Variants in ITGB3BP observed in about 807,000 individuals in gnomAD.
ITGB3BP encodes centromere protein R.
Under a neutral mutation model 29.1 loss-of-function variants are expected in ITGB3BP, and 27 were observed. That is an observed-to-expected ratio of 0.93 (90% CI 0.68 to 1.28). The LOEUF (loss-of-function observed/expected upper bound fraction) is 1.28, where lower values mean the gene tolerates loss of function less well. Among genes scored for constraint, ITGB3BP ranks in the 50% most tolerant of loss-of-function variants. The pLI is 0.00. For missense variants in ITGB3BP, 192 were observed against 200.2 expected, an observed-to-expected ratio of 0.96 and a Z score of 0.25; for synonymous variants, 61 against 61.4, an observed-to-expected ratio of 0.99 and a Z score of 0.03.
At chr1:63,500,349 G>C (rs1645896065) in intron 2 of ITGB3BP, among the ~76,000 whole-genome samples, 1 of 152,016 alleles carries the variant, frequency 6.6e-6, no homozygotes, top group African/African-American at 2.4e-5. Context: ...TTGCACTCCA[G>C]CCTGGGCAAA....
At chr1:63,447,007 C>A in intron 7 of ITGB3BP, 151 bp from the exon 8 acceptor site, 1 of 598,636 alleles carries the variant, frequency 1.7e-6, no homozygotes. Flanking sequence ...GCTATAAATT[C>A]TCATTTCAAC....
intron 4 of ITGB3BP, among the ~76,000 whole-genome samples, chr1:63,474,872 C>A (rs1368546483): frequency 1.4e-5 from 2 of 144,816 alleles, no homozygotes; most frequent in East Asian, 4.0e-4. Flanking sequence ...CTGGGAGAAA[C>A]ACCCAAGAAT....
intron 3 of ITGB3BP, among the ~76,000 whole-genome samples, chr1:63,482,868 A>C (rs1216415163): frequency 6.6e-6 from 1 of 151,986 alleles, no homozygotes; most frequent in Non-Finnish European, 1.5e-5. Context: ...TGGCCAGGCT[A>C]ATCTCAAACT....
chr1:63,496,962 AC>A (rs1400516244), intron 2 of ITGB3BP, among the ~76,000 whole-genome samples: 1 of 152,236 alleles, frequency 6.6e-6, no homozygotes, highest in Non-Finnish European at 1.5e-5. Context: ...ATCCTAGAGT[AC>A]TAGACTTGCT....
At chr1:63,456,254 G>A (rs1644934808) in intron 4 of ITGB3BP, among the ~76,000 whole-genome samples, 1 of 152,104 alleles carries the variant, frequency 6.6e-6, no homozygotes, top group African/African-American at 2.4e-5. Flanking sequence ...TTTTATCTAA[G>A]TATGCGAACA....
chr1:63,484,720 A>T (rs1183468296), intron 3 of ITGB3BP, among the ~76,000 whole-genome samples: 1 of 152,022 alleles, frequency 6.6e-6, no homozygotes, highest in African/African-American at 2.4e-5. Flanking sequence ...TATCTTTTTG[A>T]CCACAGCTCA....
intron 2 of ITGB3BP, among the ~76,000 whole-genome samples, chr1:63,496,653 A>G (rs576532210): frequency 6.6e-6 from 1 of 152,352 alleles, no homozygotes; most frequent in East Asian, 1.9e-4. Context: ...TCACCACAAA[A>G]AACAGCTACT....
upstream of ITGB3BP, among the ~76,000 whole-genome samples, chr1:63,523,814 C>T (rs17125099): frequency 0.14 from 20,977 of 152,176 alleles, 1,565 homozygotes; most frequent in Middle Eastern, 0.25. Context: ...AGAGATGGTG[C>T]CCGAGATTAC....
At chr1:63,521,584 C>A (rs184232894) in intron 1 of ITGB3BP, among the ~76,000 whole-genome samples, 12 of 152,092 alleles carry the variant, frequency 7.9e-5, no homozygotes, top group Non-Finnish European at 1.2e-4. Flanking sequence ...ATAGTCCCAG[C>A]ACATTGGGAG....
Position 63,454,308 on chromosome 1 carries a change from T to C in ITGB3BP, c.427+72A>G, listed in dbSNP as rs549564968. On this transcript the variant is annotated intron_variant, in intron 6 of 8. Coordinates refer to ENST00000271002, the MANE Select transcript of ITGB3BP (RefSeq NM_014288.5). This position sits in a 1 kb window ranked among gnomAD's most constrained non-coding sequence, Gnocchi z 4.1. ...GTAATGGTATATATAAAGAAGTCTA[T>C]CAAATGTAAATGAGACAAATTAATA... 121 of 726,492 alleles carry C rather than the reference T, an allele frequency of 1.7e-4. 1 individual carries two copies. The African/African-American group carries it at 1.8e-3, about 11-fold the overall frequency. The allele number at this position is 726,492 out of a possible 1,614,324, so 45.0% of individuals were successfully genotyped here. A position where few individuals can be genotyped will look rare whatever the true frequency, so the allele number is the denominator to read the frequency against.
At chr1:63,525,802 A>G, upstream of ITGB3BP, 2 of 1,365,416 alleles carry the variant, frequency 1.5e-6, no homozygotes, top group Non-Finnish European at 2.0e-6. Flanking sequence ...TTTTGTTGAA[A>G]GTTAATAAAT....
chr1:63,492,641 C>T (rs1031330330), intron 2 of ITGB3BP, among the ~76,000 whole-genome samples: 4 of 152,092 alleles, frequency 2.6e-5, no homozygotes, highest in African/African-American at 9.7e-5. Flanking sequence ...GAGCTACTAA[C>T]TGAGAAGTCA....
intron 4 of ITGB3BP, among the ~76,000 whole-genome samples, chr1:63,477,710 A>ATT: frequency 6.8e-6 from 1 of 147,806 alleles, no homozygotes; most frequent in Non-Finnish European, 1.5e-5. Flanking sequence ...ACAGAGTGAG[A>ATT]CAATCAGGGA....
At chr1:63,469,271 T>A (rs1384892334) in intron 4 of ITGB3BP, among the ~76,000 whole-genome samples, 5 of 152,134 alleles carry the variant, frequency 3.3e-5, no homozygotes, top group African/African-American at 1.2e-4. Flanking sequence ...TGTAAATCCT[T>A]AAGATGAAGA....
chr1:63,488,384 A>G (rs1023713426), intron 3 of ITGB3BP, among the ~76,000 whole-genome samples: 1 of 151,984 alleles, frequency 6.6e-6, no homozygotes, highest in Non-Finnish European at 1.5e-5. Flanking sequence ...AGGGTTTTGG[A>G]TCTTATCATA....
chr1:63,492,430 A>G (rs940912816), intron 2 of ITGB3BP, among the ~76,000 whole-genome samples: 1 of 152,184 alleles, frequency 6.6e-6, no homozygotes, highest in African/African-American at 2.4e-5. Context: ...ACAAAGGCAT[A>G]ACCCTACTTC....
intron 1 of ITGB3BP, among the ~76,000 whole-genome samples, chr1:63,515,139 T>C (rs1459484164): frequency 6.6e-6 from 1 of 152,174 alleles, no homozygotes; most frequent in Admixed American, 6.5e-5. Flanking sequence ...CTCCAGAAAC[T>C]TTCCTTTTTA....
At chr1:63,524,490 G>T (rs1646544025), upstream of ITGB3BP, among the ~76,000 whole-genome samples, 1 of 152,104 alleles carries the variant, frequency 6.6e-6, no homozygotes, top group African/African-American at 2.4e-5. Context: ...TATATAATTC[G>T]AAAAGGTGCA....
intron 4 of ITGB3BP, among the ~76,000 whole-genome samples, chr1:63,477,576 A>T (rs1348141012): frequency 6.6e-6 from 1 of 152,036 alleles, no homozygotes; most frequent in Non-Finnish European, 1.5e-5. Flanking sequence ...AAAAATTAGT[A>T]GGGCGTGGTG....
Sources: gnomAD v4.1 joint callset for allele counts (sites outside exome capture counted in the v4.1 genomes callset) on GRCh38, gnomAD v4.1.1 for gene constraint, Gnocchi (gnomAD v3.1) non-coding constraint, MANE v1.5 for transcripts, NCBI Gene and HGNC (gene_info 2026-07-23, HGNC 2026-07-21) for gene names.